The following OTOGL variants were observed in gnomAD, a reference collection of about 807,000 sequenced individuals.
OTOGL encodes the protein otogelin-like protein.
OTOGL carries 285 observed loss-of-function variants against 318.5 expected under a neutral mutation model. That is an observed-to-expected ratio of 0.89 (90% CI 0.81 to 0.99). OTOGL has a LOEUF of 0.99. OTOGL is among the 50% of genes least tolerant of loss of function. The pLI is 0.00. For missense variants in OTOGL, 2,899 were observed against 2,845.6 expected (o/e 1.02, Z -0.43); for synonymous variants, 987 against 936.5 (o/e 1.05, Z -0.99).
chr12:80,267,774 AAC>A (rs1481100799), intron 22 of OTOGL, among the ~76,000 whole-genome samples: 1 of 151,900 alleles, frequency 6.6e-6, no homozygotes, highest in Non-Finnish European at 1.5e-5. Flanking sequence ...TATATGTACA[AAC>A]ACATATATAC....
At chr12:80,342,236 C>G (rs1427904236) in intron 44 of OTOGL, 74 bp downstream of exon 44, 10 of 1,181,838 alleles carry the variant, frequency 8.5e-6, no homozygotes, top group African/African-American at 1.5e-5. Context: ...CGTTACTGTT[C>G]TTGCTATAAT....
intron 1 of OTOGL, among the ~76,000 whole-genome samples, chr12:80,116,866 T>C (rs2137090657): frequency 6.6e-6 from 1 of 152,322 alleles, no homozygotes; most frequent in Middle Eastern, 3.4e-3. Flanking sequence ...ATCAATGAAC[T>C]CTCATCTGTC....
chr12:80,108,872 GTATATATGTGTATATATATGTGTA>G (rs1387522915), intron 1 of OTOGL, among the ~76,000 whole-genome samples: 32 of 135,162 alleles, frequency 2.4e-4, no homozygotes, highest in South Asian at 1.8e-3. Context: ...ATATATATGT[GTATATATGTGTATATATATGTGTA>G]TATATATGTG....
At chr12:80,224,233 G>A (rs1042610856) in intron 7 of OTOGL, among the ~76,000 whole-genome samples, 1 of 152,028 alleles carries the variant, frequency 6.6e-6, no homozygotes, top group African/African-American at 2.4e-5. Flanking sequence ...AAATTAGTTG[G>A]CTGTAAGCAT....
chr12:80,176,992 ATCT>A (rs1874574654), intron 1 of OTOGL, among the ~76,000 whole-genome samples: 1 of 151,986 alleles, frequency 6.6e-6, no homozygotes, highest in South Asian at 2.1e-4. Context: ...TCATCCATTT[ATCT>A]TCTTTTGTTT....
At position 80,139,441 on chromosome 12, in the gene OTOGL, G is replaced by A. The variant is rs116621622; in HGVS notation, c.-20+39836G>A. Among the ~76,000 whole-genome samples, 996 of 152,126 alleles carry A rather than the reference G, an allele frequency of 6.5e-3. 13 individuals carry two copies. The highest frequency in any genetic ancestry group is 0.023 in the African/African-American group (953 of 41,522). ...CAACGTTCAGTGTTGAAATTCCATG[G>A]CACAACTTCATTTTTTGCATCTTTT... On this transcript the variant is annotated intron_variant, in intron 1 of 58. Transcript: ENST00000547103.
rs185252991 is a variant in OTOGL, at chr12:80,126,881, T to G, written c.-20+27276T>G. ...ATTGCAACCCCTGCCTTTTTTTGTT[T>G]TCCATTTGCTTGGTAGATCTTCCTC... On this transcript the variant is annotated intron_variant, in intron 1 of 58. Coordinates refer to ENST00000547103, the MANE Select transcript of OTOGL (RefSeq NM_001378609.3). 6.7e-3 allele frequency among the ~76,000 whole-genome samples: 1,017 copies of G among 152,296 alleles called. 15 individuals are homozygous for G. Among genetic ancestry groups the G allele is most frequent in the African/African-American group, 0.022 (903 of 41,572 alleles).
intron 1 of OTOGL, among the ~76,000 whole-genome samples, chr12:80,141,047 T>C (rs1175199387): frequency 6.6e-6 from 1 of 152,146 alleles, no homozygotes; most frequent in Non-Finnish European, 1.5e-5. Flanking sequence ...AAAGAAACAA[T>C]GATATTTCTG....
intron 35 of OTOGL, among the ~76,000 whole-genome samples, chr12:80,327,958 C>CAAAAAA (rs397687373): frequency 9.7e-5 from 3 of 30,946 alleles, no homozygotes; most frequent in African/African-American, 5.6e-4. Flanking sequence ...GACTCTGTCT[C>CAAAAAA]AAAAAAAAAA....
Position 80,320,502 on chromosome 12 carries a change from G to A in OTOGL, c.3883G>A (p.Glu1295Lys). The A allele has an allele frequency of 6.2e-7, 1 of 1,613,618 alleles. No homozygotes were observed. The highest frequency in any genetic ancestry group is 8.5e-7 in the Non-Finnish European group (1 of 1,179,716). The stretch of plus-strand genomic sequence containing the variant: ...CCATGACAATGATACTCTTAGCTTG[G>A]AGCTGTGGGAGGCGAATTCAGCCTT... ...YVHDNDTLSL[E>K]LWEANSAFHR... The change falls in exon 34 of 59, where the codon GAG becomes AAG. Residue 1295 changes from glutamate to lysine, a missense_variant. Transcript: ENST00000547103.
chr12:80,196,344 G>A (rs1341079191), intron 1 of OTOGL, among the ~76,000 whole-genome samples: 2 of 152,208 alleles, frequency 1.3e-5, no homozygotes, highest in Non-Finnish European at 2.9e-5. Context: ...CATTGTTGAT[G>A]TGATAATATT....
intron 1 of OTOGL, among the ~76,000 whole-genome samples, chr12:80,204,735 T>C (rs139060437): frequency 6.6e-6 from 1 of 152,136 alleles, no homozygotes; most frequent in African/African-American, 2.4e-5. Context: ...TTCACTAGAA[T>C]GTAAGGAATA....
chr12:80,232,328 A>AT (rs549544084), intron 8 of OTOGL, among the ~76,000 whole-genome samples: 44 of 152,114 alleles, frequency 2.9e-4, no homozygotes, highest in East Asian at 2.3e-3. Context: ...TCATCCTTTG[A>AT]TTTTTTTTAG....
intron 26 of OTOGL, among the ~76,000 whole-genome samples, chr12:80,293,309 A>G (rs755405854): frequency 4.7e-4 from 71 of 152,364 alleles, no homozygotes; most frequent in Admixed American, 1.5e-3. Context: ...TGCATTGTGC[A>G]TTATTAACAC....
intron 11 of OTOGL, among the ~76,000 whole-genome samples, chr12:80,242,016 G>T (rs917287474): frequency 3.9e-5 from 6 of 152,032 alleles, no homozygotes; most frequent in Non-Finnish European, 8.8e-5. Context: ...TAACCTTTTG[G>T]CCAGAACTTG....
intron 1 of OTOGL, among the ~76,000 whole-genome samples, chr12:80,149,949 T>A (rs770497120): frequency 1.3e-5 from 2 of 152,150 alleles, no homozygotes; most frequent in South Asian, 2.1e-4. Flanking sequence ...CTGCGCCCAC[T>A]GTCTGGCACT....
At chr12:80,373,143 G>A (rs973978985) in intron 57 of OTOGL, among the ~76,000 whole-genome samples, 2 of 152,044 alleles carry the variant, frequency 1.3e-5, no homozygotes, top group African/African-American at 2.4e-5. Flanking sequence ...TAGGAAAGGG[G>A]CACAACAAAG....
intron 1 of OTOGL, among the ~76,000 whole-genome samples, chr12:80,157,760 T>C (rs1873223746): frequency 6.6e-6 from 1 of 152,116 alleles, no homozygotes; most frequent in Non-Finnish European, 1.5e-5. Context: ...GTTTCTGGGT[T>C]CTCTATTCTG....
intron 1 of OTOGL, among the ~76,000 whole-genome samples, chr12:80,170,556 C>A (rs1051482928): frequency 6.6e-6 from 1 of 152,000 alleles, no homozygotes; most frequent in Non-Finnish European, 1.5e-5. Context: ...GCCTCAGCCT[C>A]CTGAGTATCT....
Sources: gnomAD v4.1 joint callset for allele counts (sites outside exome capture counted in the v4.1 genomes callset) on GRCh38, gnomAD v4.1.1 for gene constraint, MANE v1.5 for transcripts, NCBI Gene and HGNC (gene_info 2026-07-23, HGNC 2026-07-21) for gene names.